Variants in RYR3 observed in about 807,000 individuals in gnomAD.
The protein encoded by RYR3 is brain ryanodine receptor-calcium release channel.
RYR3 carries 207 observed loss-of-function variants against 584.3 expected under a neutral mutation model. The observed-to-expected ratio is 0.35, with a 90% CI of 0.32 to 0.40. RYR3 has a LOEUF of 0.40. Among genes scored for constraint, RYR3 ranks in the 10% least tolerant of loss-of-function variants. RYR3 has a pLI of 1.00. For missense variants in RYR3, 5,616 were observed against 6,089.2 expected (o/e 0.92, Z 2.59); for synonymous variants, 2,416 against 2,248.5 (o/e 1.07, Z -2.11).
chr15:33,841,608 A>G (rs756348048), intron 90 of RYR3, among the ~76,000 whole-genome samples: 19 of 152,162 alleles, frequency 1.2e-4, no homozygotes, highest in Non-Finnish European at 2.5e-4. Flanking sequence ...AGGGGAAAAA[A>G]ATTGTTAAGT....
At chr15:33,575,335 G>A (rs147763340) in intron 12 of RYR3, among the ~76,000 whole-genome samples, 16 of 152,242 alleles carry the variant, frequency 1.1e-4, no homozygotes, top group Non-Finnish European at 2.2e-4. Context: ...TCTTCTCAGT[G>A]CCACATGACA....
At chr15:33,840,175 C>T (rs1428545354) in intron 89 of RYR3, among the ~76,000 whole-genome samples, 6 of 152,104 alleles carry the variant, frequency 3.9e-5, no homozygotes, top group Non-Finnish European at 7.3e-5. Context: ...CAAGTCCTGA[C>T]GAGCAGCAGG....
rs189505967 is a variant in RYR3, at chr15:33,451,501, A to T, written c.52-21918A>T. On this transcript the variant is annotated intron_variant, in intron 1 of 103. Coordinates refer to ENST00000634891, the MANE Select transcript of RYR3 (RefSeq NM_001036.6). The stretch of plus-strand genomic sequence containing the variant: ...AAAACTGGGGAAAAATGTGCTCCAC[A>T]ATCATGTGAGTGAGGTGGACAAGCA... 2.6e-3 allele frequency among the ~76,000 whole-genome samples: 397 copies of T among 152,308 alleles called. 3 individuals are homozygous for T. Among genetic ancestry groups the T allele is most frequent in the Middle Eastern group, 0.01 (3 of 294 alleles).
At position 33,641,887 on chromosome 15, in the gene RYR3, T is replaced by C. The variant is rs143355328; in HGVS notation, c.3557-2424T>C. Among the ~76,000 whole-genome samples, 811 of 152,314 alleles carry C rather than the reference T, an allele frequency of 5.3e-3. 9 individuals are homozygous for C. Among genetic ancestry groups the C allele is most frequent in the African/African-American group, 0.018 (750 of 41,570 alleles). On this transcript the variant is annotated intron_variant, in intron 27 of 103. Coordinates refer to ENST00000634891, the MANE Select transcript of RYR3 (RefSeq NM_001036.6). ...TCTAGTGAATGCAGTCCTCTGGCCC[T>C]GGTCATAATTACTGTTTAAATCTGG...
rs754211265 is a variant in RYR3 at position 33,838,991 on chromosome 15, A to G, written c.12978+33A>G. On this transcript the variant is annotated intron_variant, in intron 89 of 103. Coordinates refer to ENST00000634891, the MANE Select transcript of RYR3 (RefSeq NM_001036.6). ...TCATTTGTTTCTTTCATCTTCCTTT[A>G]TCCCCAGAATAAGACTTGCCACCAT... The G allele has an allele frequency of 1.9e-6, 3 of 1,577,160 alleles. No homozygotes were observed. The South Asian group carries it at 3.6e-5, about 19-fold the overall frequency.
At chr15:33,764,063 G>T (rs1294956673) in intron 60 of RYR3, among the ~76,000 whole-genome samples, 1 of 152,052 alleles carries the variant, frequency 6.6e-6, no homozygotes, top group Non-Finnish European at 1.5e-5. Flanking sequence ...ATTTGACCCA[G>T]CAATCCCATT....
chr15:33,438,332 C>T (rs2045917743), intron 1 of RYR3, among the ~76,000 whole-genome samples: 1 of 152,130 alleles, frequency 6.6e-6, no homozygotes, highest in South Asian at 2.1e-4. Flanking sequence ...CACCCCCAGG[C>T]CATGGTAACC....
At position 33,543,713 on chromosome 15, in the gene RYR3, C is replaced by T; in HGVS notation, c.738C>T (p.His246=). The T allele has an allele frequency of 6.3e-7, 1 of 1,595,218 alleles. No individual in the cohort carries two copies. Among genetic ancestry groups the T allele is most frequent in the Non-Finnish European group, 8.6e-7 (1 of 1,163,000 alleles). ...CTACAGACCAGAATGATTCCCAGCA[C>T]AGGTAAGTCAGTAGCTGCATTCTTC... ...IPSTDQNDSQ[H]RRIFYEAGGA... is the part of the protein sequence containing the mutation. Residue 246 remains histidine (H), a splice_region_variant and synonymous_variant, in exon 8 of 104, where the codon CAC becomes CAT. Coordinates refer to ENST00000634891, the MANE Select transcript of RYR3 (RefSeq NM_001036.6).
intron 22 of RYR3, 134 bp downstream of exon 22, chr15:33,630,177 T>G: frequency 5.5e-5 from 30 of 547,196 alleles, no homozygotes; most frequent in Middle Eastern, 4.6e-4. Flanking sequence ...TGATGATGAA[T>G]CATGTCACAA....
At chr15:33,737,150 G>A (rs929372934) in intron 49 of RYR3, among the ~76,000 whole-genome samples, 38 of 152,238 alleles carry the variant, frequency 2.5e-4, no homozygotes, top group African/African-American at 8.7e-4. Flanking sequence ...CTTGAGTGCA[G>A]TGGCACAGCC....
intron 1 of RYR3, among the ~76,000 whole-genome samples, chr15:33,429,084 C>T (rs1172897957): frequency 2.0e-5 from 3 of 152,128 alleles, no homozygotes; most frequent in Non-Finnish European, 4.4e-5. Flanking sequence ...TTTGTTTTGC[C>T]TTTTCTCCTG....
At chr15:33,499,643 T>G (rs1054374672) in intron 2 of RYR3, among the ~76,000 whole-genome samples, 1 of 152,376 alleles carries the variant, frequency 6.6e-6, no homozygotes, top group African/African-American at 2.4e-5. Flanking sequence ...TTAAGCTGTT[T>G]AAGTAAAAAA....
intron 63 of RYR3, among the ~76,000 whole-genome samples, chr15:33,773,158 T>A (rs986731746): frequency 1.3e-5 from 2 of 152,244 alleles, no homozygotes; most frequent in Non-Finnish European, 2.9e-5. Context: ...ATTTTCTGCA[T>A]TCATCCTTCC....
intron 1 of RYR3, among the ~76,000 whole-genome samples, chr15:33,462,555 A>G (rs2048130377): frequency 6.6e-6 from 1 of 152,216 alleles, no homozygotes; most frequent in East Asian, 1.9e-4. Context: ...TGTATGGCCC[A>G]GGGAAGACAT....
At chr15:33,491,390 T>C (rs564821321) in intron 2 of RYR3, among the ~76,000 whole-genome samples, 11 of 152,338 alleles carry the variant, frequency 7.2e-5, no homozygotes, top group Admixed American at 4.6e-4. Flanking sequence ...ACTAAGAACA[T>C]AAGGATGAAT....
intron 1 of RYR3, among the ~76,000 whole-genome samples, chr15:33,327,441 G>A (rs1038678705): frequency 1.3e-5 from 2 of 152,142 alleles, no homozygotes; most frequent in African/African-American, 4.8e-5. Context: ...TGCTACCCTC[G>A]CTCTGGCCCT....
At chr15:33,483,849 T>G (rs1435112) in intron 2 of RYR3, among the ~76,000 whole-genome samples, 97,489 of 151,996 alleles carry the variant, frequency 0.64, 32,301 homozygotes, top group African/African-American at 0.83. Context: ...GGTAGCCCCA[T>G]ACTCAGGTCT....
intron 1 of RYR3, among the ~76,000 whole-genome samples, chr15:33,386,216 A>G (rs925677006): frequency 2.0e-5 from 3 of 152,132 alleles, no homozygotes; most frequent in Admixed American, 6.5e-5. Flanking sequence ...GTATATTCCT[A>G]GAAAATTTGT....
chr15:33,500,444 G>C (rs2051869773), intron 2 of RYR3, among the ~76,000 whole-genome samples: 1 of 152,186 alleles, frequency 6.6e-6, no homozygotes, highest in African/African-American at 2.4e-5. Context: ...GAGCATGGAG[G>C]ATATATAGAC....
Sources: allele counts gnomAD v4.1 joint callset (sites outside exome capture counted in the v4.1 genomes callset), GRCh38; gene constraint gnomAD v4.1.1; transcripts MANE v1.5; gene names NCBI Gene and HGNC (gene_info 2026-07-23, HGNC 2026-07-21).